The following ZNF423 variants were observed in gnomAD, a reference collection of about 807,000 sequenced individuals.
ZNF423 encodes the protein Ebf-associated zinc finger protein.
ZNF423 carries 12 observed loss-of-function variants against 95.8 expected under a neutral mutation model. The observed-to-expected ratio is 0.13, with a 90% CI of 0.08 to 0.20. The LOEUF (loss-of-function observed/expected upper bound fraction) is 0.20, where lower values mean the gene tolerates loss of function less well. Among genes scored for constraint, ZNF423 ranks in the 10% least tolerant of loss-of-function variants. The pLI is 1.00. For synonymous variants in ZNF423, 749 were observed against 711.9 expected, an observed-to-expected ratio of 1.05 and a Z score of -0.83; for missense variants, 1,316 against 1,737.1, an observed-to-expected ratio of 0.76 and a Z score of 4.31.
At chr16:49,532,271 G>A (rs557052573) in intron 5 of ZNF423, among the ~76,000 whole-genome samples, 1 of 152,260 alleles carries the variant, frequency 6.6e-6, no homozygotes, top group South Asian at 2.1e-4. Flanking sequence ...AACCATCCCC[G>A]CATCACGGCT....
intron 1 of ZNF423, among the ~76,000 whole-genome samples, chr16:49,845,035 C>CAAAAAAAAA (rs71138011): frequency 1.6e-3 from 99 of 63,496 alleles, no homozygotes; most frequent in Middle Eastern, 0.012. Flanking sequence ...AACTCCATCT[C>CAAAAAAAAA]AAAAAAAAAA....
intron 2 of ZNF423, among the ~76,000 whole-genome samples, chr16:49,766,358 C>T (rs2033928850): frequency 6.6e-6 from 1 of 152,224 alleles, no homozygotes; most frequent in Non-Finnish European, 1.5e-5. Flanking sequence ...AGGAAGGCTC[C>T]TCTCCCTGCT....
At chr16:49,524,719 T>C (rs1484897356) in intron 6 of ZNF423, among the ~76,000 whole-genome samples, 1 of 152,168 alleles carries the variant, frequency 6.6e-6, no homozygotes, top group Non-Finnish European at 1.5e-5. Flanking sequence ...CAGGGTGGGC[T>C]TCCTGCCGTG....
chr16:49,664,880 A>G (rs577225352), intron 3 of ZNF423, among the ~76,000 whole-genome samples: 19 of 152,380 alleles, frequency 1.2e-4, no homozygotes, highest in Non-Finnish European at 2.2e-4. Flanking sequence ...CCCTGGCTAC[A>G]GCCCCACGAT....
chr16:49,568,064 T>C (rs1970247282), intron 5 of ZNF423, among the ~76,000 whole-genome samples: 1 of 152,188 alleles, frequency 6.6e-6, no homozygotes, highest in Non-Finnish European at 1.5e-5. Flanking sequence ...GTGTATTCCA[T>C]GTCTCTGGAT....
intron 7 of ZNF423, among the ~76,000 whole-genome samples, chr16:49,494,349 C>A (rs1967077787): frequency 6.6e-6 from 1 of 152,240 alleles, no homozygotes. Flanking sequence ...CAGGATGTCA[C>A]AGCAGATGGA....
chr16:49,839,872 C>T lies in ZNF423; in HGVS notation c.40+15863G>A, dbSNP rs2035165072. Among the ~76,000 whole-genome samples, 4 of 152,290 alleles carry T rather than the reference C, an allele frequency of 2.6e-5. No individual in the cohort carries two copies. The South Asian group carries it at 8.3e-4, about 32-fold the overall frequency. On this transcript the variant is annotated intron_variant, in intron 1 of 7. Transcript: ENST00000563137. ...CCCCAGCTCCCCTCATGAAGCAGCCCCCTTCACCATCTGGGATCCAGCATC... is the reference window on the plus strand; with the variant it reads ...CCCCAGCTCCCCTCATGAAGCAGCCTCCTTCACCATCTGGGATCCAGCATC...
chr16:49,549,692 G>A (rs113431866), intron 5 of ZNF423, among the ~76,000 whole-genome samples: 110 of 152,264 alleles, frequency 7.2e-4, no homozygotes, highest in African/African-American at 2.5e-3. Context: ...TCCTTGTAAC[G>A]TCCTTTTGTG....
chr16:49,537,123 T>C (rs1969079996), intron 5 of ZNF423, among the ~76,000 whole-genome samples: 1 of 152,244 alleles, frequency 6.6e-6, no homozygotes, highest in Non-Finnish European at 1.5e-5. Context: ...CTGATAATTA[T>C]GTGGGCACTT....
Position 49,822,849 on chromosome 16 carries a change from CT to C in ZNF423, c.40+32885del, listed in dbSNP as rs1310904735. ...ACAGATGAGCAAACTGAGGCTCAGA[CT>C]ACTTAACGACTTGCCCAGGTAGTCA... On this transcript the variant is annotated intron_variant, in intron 1 of 7. Transcript: ENST00000563137. 4.3e-5 allele frequency: 32 copies of C among 746,528 alleles called. No individual in the cohort carries two copies. In the African/African-American group the frequency reaches 5.2e-4, roughly 12 times the overall value. The allele number at this position is 746,528 out of a possible 1,614,324, so 46.2% of individuals were successfully genotyped here.
At chr16:49,839,622 G>T (rs1012240466) in intron 1 of ZNF423, among the ~76,000 whole-genome samples, 1 of 152,190 alleles carries the variant, frequency 6.6e-6, no homozygotes, top group Non-Finnish European at 1.5e-5. Flanking sequence ...ACCCTGAAGC[G>T]GCTTCTGCCC....
chr16:49,598,698 C>T (rs548255479), intron 5 of ZNF423, among the ~76,000 whole-genome samples: 5 of 152,366 alleles, frequency 3.3e-5, no homozygotes, highest in Admixed American at 6.5e-5. Context: ...TGCAGAGACA[C>T]CTGAAAGTCC....
At chr16:49,666,442 T>C (rs1161989178) in intron 3 of ZNF423, among the ~76,000 whole-genome samples, 1 of 152,222 alleles carries the variant, frequency 6.6e-6, no homozygotes, top group Non-Finnish European at 1.5e-5. Flanking sequence ...CATGATCACG[T>C]ATTAAACCAG....
At chr16:49,738,044 A>G (rs1226519952) in intron 2 of ZNF423, among the ~76,000 whole-genome samples, 1 of 152,204 alleles carries the variant, frequency 6.6e-6, no homozygotes, top group Non-Finnish European at 1.5e-5. Flanking sequence ...GAGACCTAGG[A>G]CAGAGCTTGA....
intron 5 of ZNF423, among the ~76,000 whole-genome samples, chr16:49,579,582 G>T (rs1970602387): frequency 6.6e-6 from 1 of 152,132 alleles, no homozygotes; most frequent in Admixed American, 6.5e-5. Flanking sequence ...ACAGAAGGGA[G>T]GGTCCAGGCA....
intron 3 of ZNF423, among the ~76,000 whole-genome samples, chr16:49,662,741 G>A (rs1201566164): frequency 6.6e-6 from 1 of 152,252 alleles, no homozygotes; most frequent in Non-Finnish European, 1.5e-5. Context: ...GCAGACACCA[G>A]AAGCAAACAA....
intron 2 of ZNF423, among the ~76,000 whole-genome samples, chr16:49,737,680 G>C (rs1185149492): frequency 4.6e-5 from 7 of 152,186 alleles, no homozygotes; most frequent in Non-Finnish European, 1.5e-5. Flanking sequence ...GGCCCCAGGG[G>C]ACCAGACTGC....
chr16:49,510,704 G>A (rs1009128069), intron 7 of ZNF423, among the ~76,000 whole-genome samples: 8 of 152,230 alleles, frequency 5.3e-5, no homozygotes, highest in Non-Finnish European at 1.2e-4. Context: ...CTTTGTCTGA[G>A]TCAATGCGGG....
At chr16:49,683,185 G>C (rs2031435940) in intron 3 of ZNF423, among the ~76,000 whole-genome samples, 1 of 152,082 alleles carries the variant, frequency 6.6e-6, no homozygotes, top group Non-Finnish European at 1.5e-5. Flanking sequence ...CAAATACTCA[G>C]CTCTCCCGTG....
Sources: allele counts gnomAD v4.1 joint callset (sites outside exome capture counted in the v4.1 genomes callset), GRCh38; gene constraint gnomAD v4.1.1; transcripts MANE v1.5; gene names NCBI Gene and HGNC (gene_info 2026-07-23, HGNC 2026-07-21).